The following DLC1 variants were observed in gnomAD, a reference collection of about 807,000 sequenced individuals.
The protein encoded by DLC1 is DLC1 Rho GTPase activating protein, also known as rho GTPase-activating protein 7.
In DLC1, 54 loss-of-function variants were observed where a neutral mutation model predicts 140.3. The observed-to-expected ratio is 0.38, with a 90% CI of 0.31 to 0.48. The LOEUF (loss-of-function observed/expected upper bound fraction) is 0.48. DLC1 is among the 20% of genes least tolerant of loss of function. The probability of loss-of-function intolerance (pLI) is 0.96; values close to 1 mark genes in which losing one functional copy is unlikely to be tolerated. For missense variants in DLC1, 2,536 were observed against 1,907.0 expected, an observed-to-expected ratio of 1.33 and a Z score of -6.14; for synonymous variants, 986 against 728.1, an observed-to-expected ratio of 1.35 and a Z score of -5.70.
chr8:13,436,452 C>T (rs1410196332), intron 2 of DLC1, among the ~76,000 whole-genome samples: 1 of 152,206 alleles, frequency 6.6e-6, no homozygotes, highest in African/African-American at 2.4e-5. Context: ...ACCAAAAGGA[C>T]TGACCCGTTT....
intron 2 of DLC1, among the ~76,000 whole-genome samples, chr8:13,438,480 C>T (rs1300396898): frequency 1.3e-5 from 2 of 152,142 alleles, no homozygotes; most frequent in African/African-American, 4.8e-5. Flanking sequence ...CACGTTACTT[C>T]TCTCACTCAG....
chr8:13,322,502 C>G (rs1204458647), intron 4 of DLC1, among the ~76,000 whole-genome samples: 1 of 144,200 alleles, frequency 6.9e-6, no homozygotes, highest in Non-Finnish European at 1.5e-5. Flanking sequence ...TAACATAATT[C>G]AACTCAGCTG....
intron 5 of DLC1, among the ~76,000 whole-genome samples, chr8:13,294,961 AT>A (rs1346113246): frequency 2.0e-5 from 3 of 152,280 alleles, no homozygotes; most frequent in East Asian, 3.9e-4. Flanking sequence ...CACAGAGTAA[AT>A]TCTTGTTATT....
intron 1 of DLC1, among the ~76,000 whole-genome samples, chr8:13,546,148 A>G (rs566081578): frequency 4.6e-5 from 7 of 152,236 alleles, no homozygotes; most frequent in Middle Eastern, 6.8e-3. Context: ...GCTCATGGTC[A>G]GTTTGCTGGA....
At chr8:13,583,743 C>T (rs868316918) in intron 1 of DLC1, 5 of 152,272 alleles carry the variant, frequency 3.3e-5, no homozygotes, top group African/African-American at 7.2e-5. Flanking sequence ...GTTAGAGAGT[C>T]GGTGTCTCTG....
intron 2 of DLC1, among the ~76,000 whole-genome samples, chr8:13,462,809 A>G (rs1799734224): frequency 6.6e-6 from 1 of 152,192 alleles, no homozygotes; most frequent in Non-Finnish European, 1.5e-5. Context: ...CCAGATTGGA[A>G]TCAAGGTAAC....
At chr8:13,266,470 C>T (rs1277419918) in intron 5 of DLC1, among the ~76,000 whole-genome samples, 7 of 152,220 alleles carry the variant, frequency 4.6e-5, no homozygotes, top group East Asian at 1.9e-4. Flanking sequence ...TTGGGTTGGG[C>T]GTGGTGGTTC....
At chr8:13,460,839 G>T (rs2117021803) in intron 2 of DLC1, among the ~76,000 whole-genome samples, 1 of 152,312 alleles carries the variant, frequency 6.6e-6, no homozygotes, top group East Asian at 1.9e-4. Flanking sequence ...GTTGATTCTG[G>T]AAACAGTTTT....
At chr8:13,412,338 G>C (rs1480358053) in intron 2 of DLC1, among the ~76,000 whole-genome samples, 1 of 152,092 alleles carries the variant, frequency 6.6e-6, no homozygotes, top group East Asian at 1.9e-4. Context: ...AGAGTAGCTT[G>C]GGAGTCTCTA....
chr8:13,430,297 T>C (rs1838801180), intron 2 of DLC1, among the ~76,000 whole-genome samples: 2 of 152,164 alleles, frequency 1.3e-5, no homozygotes, highest in Admixed American at 6.5e-5. Flanking sequence ...ATTAGTGGCC[T>C]TTGAGAAACA....
rs138491247 is a variant in DLC1, at chr8:13,083,975, A to G, written c.*1836T>C. 3 of 152,746 alleles carry G rather than the reference A, an allele frequency of 2.0e-5. No homozygotes were observed. The highest frequency in any genetic ancestry group is 7.2e-5 in the African/African-American group (3 of 41,594). 9.5% of individuals were successfully genotyped at this position (152,746 alleles called of 1,614,324 possible). On this transcript the variant is annotated 3_prime_UTR_variant, in exon 18 of 18. Coordinates refer to ENST00000276297, the MANE Select transcript of DLC1 (RefSeq NM_182643.3). ...CTTATTGATTATAATCTGTACAGAT[A>G]TAGAGCAAGTTATAAACCTCTTCCT...
At chr8:13,177,945 C>T (rs1249781423) in intron 5 of DLC1, among the ~76,000 whole-genome samples, 1 of 152,090 alleles carries the variant, frequency 6.6e-6, no homozygotes, top group Non-Finnish European at 1.5e-5. Context: ...GGACTTGACA[C>T]TTAAACTAAG....
At chr8:13,475,506 C>A (rs776887011) in intron 2 of DLC1, among the ~76,000 whole-genome samples, 9 of 152,128 alleles carry the variant, frequency 5.9e-5, no homozygotes, top group Non-Finnish European at 1.2e-4. Flanking sequence ...TTTGGACTTA[C>A]TTAGTGAATT....
At chr8:13,592,558 G>C (rs1437609271) in intron 1 of DLC1, among the ~76,000 whole-genome samples, 1 of 151,832 alleles carries the variant, frequency 6.6e-6, no homozygotes, top group Admixed American at 6.6e-5. Context: ...AAAAACTTTA[G>C]CTCTTTAATT....
At chr8:13,186,446 T>C (rs753108308) in intron 5 of DLC1, among the ~76,000 whole-genome samples, 4 of 152,186 alleles carry the variant, frequency 2.6e-5, no homozygotes, top group Non-Finnish European at 4.4e-5. Context: ...GAATCCACTA[T>C]TGAAGCTTGT....
intron 17 of DLC1, 117 bp from the exon 18 acceptor site, chr8:13,086,048 T>C (rs1817529294): frequency 6.8e-7 from 1 of 1,466,500 alleles, no homozygotes; most frequent in African/African-American, 1.4e-5. Flanking sequence ...TCCCATGCCT[T>C]TGAATTCATG....
chr8:13,279,810 C>T (rs1831303672), intron 5 of DLC1, among the ~76,000 whole-genome samples: 1 of 152,180 alleles, frequency 6.6e-6, no homozygotes, highest in African/African-American at 2.4e-5. Context: ...TAGAATCTGC[C>T]ACTTAGACAA....
At chr8:13,096,547 G>A (rs778536946) in intron 10 of DLC1, among the ~76,000 whole-genome samples, 3 of 152,002 alleles carry the variant, frequency 2.0e-5, no homozygotes, top group Non-Finnish European at 4.4e-5. Context: ...AGAAAAGCCC[G>A]ACGGCGGAAT....
intron 2 of DLC1, among the ~76,000 whole-genome samples, chr8:13,444,556 G>C (rs1376135717): frequency 6.6e-6 from 1 of 152,060 alleles, no homozygotes; most frequent in Non-Finnish European, 1.5e-5. Context: ...CACTACGAAA[G>C]GAACAAAGAA....
Sources: gnomAD v4.1 joint callset for allele counts (sites outside exome capture counted in the v4.1 genomes callset) on GRCh38, gnomAD v4.1.1 for gene constraint, MANE v1.5 for transcripts, NCBI Gene and HGNC (gene_info 2026-07-23, HGNC 2026-07-21) for gene names.